Variants in CADPS observed in about 807,000 individuals in gnomAD.
The protein encoded by CADPS is calcium-dependent secretion activator 1.
CADPS carries 57 observed loss-of-function variants against 167.3 expected under a neutral mutation model. That is an observed-to-expected ratio of 0.34 (90% CI 0.28 to 0.42). The LOEUF is 0.42. Among genes scored for constraint, CADPS ranks in the 20% least tolerant of loss-of-function variants. The pLI is 1.00. For missense variants in CADPS, 1,414 were observed against 1,738.1 expected (o/e 0.81, Z 3.32); for synonymous variants, 676 against 635.3 (o/e 1.06, Z -0.96).
chr3:62,519,073 T>A (rs540521421), intron 13 of CADPS, among the ~76,000 whole-genome samples: 1 of 152,304 alleles, frequency 6.6e-6, no homozygotes, highest in East Asian at 1.9e-4. Context: ...GTTGAAAATA[T>A]AAAGGGAGGA....
chr3:62,585,450 G>A, intron 7 of CADPS, 126 bp from the exon 8 acceptor site: 2 of 861,910 alleles, frequency 2.3e-6, no homozygotes, highest in East Asian at 2.7e-5. Context: ...CCATACCTGG[G>A]GATAGAAACA....
chr3:62,599,748 C>A (rs191033777), intron 6 of CADPS, among the ~76,000 whole-genome samples: 14,054 of 17,268 alleles, frequency 0.81, 5,586 homozygotes, highest in East Asian at 0.94. Flanking sequence ...TATATATAAT[C>A]TATTATATAT....
At chr3:62,622,524 C>T (rs1447190370) in intron 6 of CADPS, among the ~76,000 whole-genome samples, 1 of 152,042 alleles carries the variant, frequency 6.6e-6, no homozygotes, top group African/African-American at 2.4e-5. Context: ...AGGGAGCTAA[C>T]CTTGATGAAA....
At chr3:62,439,070 C>A (rs1291762377) in intron 27 of CADPS, 1 of 151,744 alleles carries the variant, frequency 6.6e-6, no homozygotes, top group East Asian at 1.9e-4. Flanking sequence ...TCCAAAGAAA[C>A]CTATTAAAAC....
intron 1 of CADPS, among the ~76,000 whole-genome samples, chr3:62,829,384 A>C (rs867209551): frequency 7.9e-5 from 12 of 152,150 alleles, no homozygotes; most frequent in Admixed American, 1.3e-4. Context: ...ATACATGCAA[A>C]TACTATGCCA....
chr3:62,767,398 T>A (rs1559528845), intron 1 of CADPS, among the ~76,000 whole-genome samples: 1 of 152,172 alleles, frequency 6.6e-6, no homozygotes, highest in Non-Finnish European at 1.5e-5. Context: ...TGGAAAATGG[T>A]GGTAATTCTA....
intron 13 of CADPS, among the ~76,000 whole-genome samples, chr3:62,531,143 A>G (rs2073570163): frequency 6.6e-6 from 1 of 152,224 alleles, no homozygotes; most frequent in South Asian, 2.1e-4. Context: ...TTACAAAAAC[A>G]CTTCATTATT....
At chr3:62,555,847 C>T (rs62243517) in intron 10 of CADPS, among the ~76,000 whole-genome samples, 12,113 of 152,114 alleles carry the variant, frequency 0.08, 526 homozygotes, top group Middle Eastern at 0.13. Context: ...CTCAAGCAAT[C>T]CTCCCACCTT....
At chr3:62,702,565 C>T (rs969632658) in intron 3 of CADPS, among the ~76,000 whole-genome samples, 1 of 151,976 alleles carries the variant, frequency 6.6e-6, no homozygotes, top group African/African-American at 2.4e-5. Context: ...GTTAAGGACT[C>T]GATAGTACCG....
At chr3:62,538,754 C>T (rs867147640) in intron 11 of CADPS, among the ~76,000 whole-genome samples, 3 of 152,154 alleles carry the variant, frequency 2.0e-5, no homozygotes, top group African/African-American at 7.2e-5. Context: ...AAAAATATGG[C>T]ACATGTTTCA....
chr3:62,848,239 C>G (rs1186516140), intron 1 of CADPS, among the ~76,000 whole-genome samples: 43 of 133,772 alleles, frequency 3.2e-4, no homozygotes, highest in Admixed American at 1.0e-3. Context: ...TGCCTGTTCA[C>G]TCTGATGGTA....
chr3:62,590,520 T>C (rs554883255), intron 7 of CADPS, among the ~76,000 whole-genome samples: 1 of 152,286 alleles, frequency 6.6e-6, no homozygotes, highest in South Asian at 2.1e-4. Context: ...AGGGACACTG[T>C]TTTTTTGTTT....
chr3:62,702,085 C>T (rs766898379), intron 3 of CADPS, among the ~76,000 whole-genome samples: 3 of 152,104 alleles, frequency 2.0e-5, no homozygotes, highest in Non-Finnish European at 4.4e-5. Flanking sequence ...TTCAGTAATG[C>T]TACCATATCC....
In CADPS at chr3:62,451,865, A is replaced by G. The variant is rs562790540; in HGVS notation, c.3637-6068T>C. Among the ~76,000 whole-genome samples the G allele has an allele frequency of 5.5e-4, 84 of 152,212 alleles. 1 individual carries two copies. Among genetic ancestry groups the G allele is most frequent in the African/African-American group, 1.9e-3 (79 of 41,540 alleles). On this transcript the variant is annotated intron_variant, in intron 26 of 29. Transcript: ENST00000383710. ...TAACCCAAGCAATTTAGAAATGTAGATTTTTTTGTGTGTCAAGGCAATTCA... is the reference window on the plus strand; with the variant it reads ...TAACCCAAGCAATTTAGAAATGTAGGTTTTTTTGTGTGTCAAGGCAATTCA...
At chr3:62,779,248 G>T in intron 1 of CADPS, 1 of 326,878 alleles carries the variant, frequency 3.1e-6, no homozygotes. Flanking sequence ...AGCTTCCAAA[G>T]GAGGTACTGC....
rs2148973376 is a variant in CADPS at position 62,399,286 on chromosome 3, A to C, written c.*120T>G. The C allele has an allele frequency of 1.1e-6, 1 of 873,008 alleles. No individual in the cohort carries two copies. Among genetic ancestry groups the C allele is most frequent in the South Asian group, 1.7e-5 (1 of 57,470 alleles). The allele number at this position is 873,008 out of a possible 1,614,324, so 54.1% of individuals were successfully genotyped here. A position where few individuals can be genotyped will look rare whatever the true frequency, so the allele number is the denominator to read the frequency against. On this transcript the variant is annotated 3_prime_UTR_variant, in exon 30 of 30. Transcript: ENST00000383710. The surrounding 1 kb of genome is among the most constrained non-coding windows in gnomAD (Gnocchi z 5.6). ...ACCACATAGCTAAAATGGCAGTTGT[A>C]TTGATAAACATCTCATGGGCATGGT...
intron 3 of CADPS, among the ~76,000 whole-genome samples, chr3:62,709,770 G>A (rs202233419): frequency 3.1e-5 from 4 of 127,988 alleles, no homozygotes; most frequent in African/African-American, 1.2e-4. Flanking sequence ...TTTTATTTAT[G>A]TATTTATTAT....
chr3:62,499,210 A>C lies in CADPS; in HGVS notation c.2658T>G (p.Ala886=). ...AKKLEDTIRL[A]ELVIEVLQQN... ...GCTGAAGAACTTCAATGACTAGTTC[A>C]GCAAGACGTATTGTATCTTCAAGCT... Residue 886 remains alanine, a synonymous_variant, in exon 18 of 30, where the codon GCT becomes GCG. Transcript: ENST00000383710. 6.2e-7 allele frequency: 1 copy of C among 1,613,952 alleles called. No homozygotes were observed. Among genetic ancestry groups the C allele is most frequent in the Non-Finnish European group, 8.5e-7 (1 of 1,179,834 alleles).
intron 21 of CADPS, among the ~76,000 whole-genome samples, chr3:62,486,538 T>C (rs886756712): frequency 1.3e-5 from 2 of 149,860 alleles, no homozygotes; most frequent in Non-Finnish European, 3.0e-5. Context: ...TGAGGCAGAG[T>C]GAGAAAGTGC....
Sources: allele counts gnomAD v4.1 joint callset (sites outside exome capture counted in the v4.1 genomes callset), GRCh38; gene constraint gnomAD v4.1.1; non-coding constraint Gnocchi (gnomAD v3.1); transcripts MANE v1.5; gene names NCBI Gene and HGNC (gene_info 2026-07-23, HGNC 2026-07-21).